The following SMC5 variants were observed in gnomAD, a reference collection of about 807,000 sequenced individuals.
SMC5 encodes the protein structural maintenance of chromosomes 5.
In SMC5, 88 loss-of-function variants were observed where a neutral mutation model predicts 148.3. That is an observed-to-expected ratio of 0.59 (90% CI 0.50 to 0.71). The LOEUF (loss-of-function observed/expected upper bound fraction) is 0.71, where lower values mean the gene tolerates loss of function less well. Ranked by LOEUF, SMC5 falls within the 30% of genes least tolerant of loss-of-function variation. The probability of loss-of-function intolerance (pLI) is 0.00; values close to 1 mark genes in which losing one functional copy is unlikely to be tolerated. For missense variants in SMC5, 1,142 were observed against 1,298.9 expected (o/e 0.88, Z 1.86); for synonymous variants, 421 against 432.8 (o/e 0.97, Z 0.34).
At chr9:70,328,902 G>A (rs1309706755) in intron 17 of SMC5, among the ~76,000 whole-genome samples, 3 of 152,162 alleles carry the variant, frequency 2.0e-5, no homozygotes, top group Admixed American at 1.3e-4. Context: ...CTCAACTCTT[G>A]CCTTCTGCAC....
Position 70,278,487 on chromosome 9 carries a change from C to T in SMC5, c.544-4C>T. On this transcript the variant is annotated splice_region_variant and splice_polypyrimidine_tract_variant and intron_variant, in intron 4 of 24. Coordinates refer to ENST00000361138, the MANE Select transcript of SMC5 (RefSeq NM_015110.4). ...GTTGCTGATATTTAATTTTTGTGCT[C>T]TAGGACAAAGTTGGAGAATTTGCTA... 6.2e-7 allele frequency: 1 copy of T among 1,601,626 alleles called. No individual in the cohort carries two copies. Among genetic ancestry groups the T allele is most frequent in the Non-Finnish European group, 8.5e-7 (1 of 1,176,780 alleles).
chr9:70,271,625 T>G (rs1331968234), intron 3 of SMC5, among the ~76,000 whole-genome samples: 2 of 152,134 alleles, frequency 1.3e-5, no homozygotes, highest in Non-Finnish European at 1.5e-5. Flanking sequence ...TGTTAGGTGG[T>G]GATAAGTGCT....
chr9:70,276,326 A>G (rs554620222), intron 3 of SMC5, among the ~76,000 whole-genome samples: 1 of 152,358 alleles, frequency 6.6e-6, no homozygotes, highest in Non-Finnish European at 1.5e-5. Context: ...AATGCCTTCA[A>G]GATGAAAGCC....
chr9:70,268,128 G>A (rs775458332), intron 3 of SMC5, among the ~76,000 whole-genome samples, 153 bp downstream of exon 3: 10 of 151,884 alleles, frequency 6.6e-5, no homozygotes, highest in Non-Finnish European at 1.3e-4. Flanking sequence ...ATAAGTAAGG[G>A]GTTTAAAAAA....
At chr9:70,323,297 G>C (rs2035994207) in intron 15 of SMC5, among the ~76,000 whole-genome samples, 186 bp from the exon 16 acceptor site, 1 of 152,168 alleles carries the variant, frequency 6.6e-6, no homozygotes, top group Non-Finnish European at 1.5e-5. Context: ...TAAGGGAAGT[G>C]ACTGTTTTAT....
chr9:70,279,905 C>A (rs1240133839), intron 5 of SMC5, among the ~76,000 whole-genome samples: 2 of 151,144 alleles, frequency 1.3e-5, no homozygotes, highest in Non-Finnish European at 1.5e-5. Flanking sequence ...CACATTGTGT[C>A]ACAGGGGTTT....
At chr9:70,332,989 T>G (rs190604033) in intron 17 of SMC5, among the ~76,000 whole-genome samples, 3 of 152,316 alleles carry the variant, frequency 2.0e-5, no homozygotes, top group Non-Finnish European at 4.4e-5. Context: ...GGTGGAAAAC[T>G]GTAAACTGTC....
At chr9:70,291,594 G>A (rs914770893) in intron 8 of SMC5, among the ~76,000 whole-genome samples, 1 of 152,150 alleles carries the variant, frequency 6.6e-6, no homozygotes, top group African/African-American at 2.4e-5. Context: ...TTTCTTTTAA[G>A]ATTTTTGGTT....
intron 11 of SMC5, among the ~76,000 whole-genome samples, chr9:70,309,517 A>G (rs1342748403): frequency 1.3e-5 from 2 of 151,712 alleles, no homozygotes; most frequent in Non-Finnish European, 2.9e-5. Flanking sequence ...GTCATATTCT[A>G]AATCATTTGT....
chr9:70,292,451 A>G (rs536778206), intron 8 of SMC5, among the ~76,000 whole-genome samples: 1 of 152,082 alleles, frequency 6.6e-6, no homozygotes, highest in African/African-American at 2.4e-5. Flanking sequence ...GTCAGCTACA[A>G]ATGGGGACAG....
intron 3 of SMC5, among the ~76,000 whole-genome samples, chr9:70,273,240 C>T (rs2034499533): frequency 1.4e-5 from 2 of 147,440 alleles, no homozygotes; most frequent in African/African-American, 2.5e-5. Context: ...CTACTGATTT[C>T]ATTTATTTAT....
chr9:70,269,299 C>G (rs893112431), intron 3 of SMC5, among the ~76,000 whole-genome samples: 2 of 152,044 alleles, frequency 1.3e-5, no homozygotes, highest in African/African-American at 4.8e-5. Context: ...ATTAACATGT[C>G]AGACCAGGTG....
chr9:70,287,079 A>G lies in SMC5; in HGVS notation c.1053+808A>G, dbSNP rs181996095. On this transcript the variant is annotated intron_variant, in intron 8 of 24. Transcript: ENST00000361138. ...CTGTTTTGATATAATCTTGGTTTAT[A>G]GCTCCAATTTCTAGAAATGAAGACA... 4.1e-4 allele frequency among the ~76,000 whole-genome samples: 63 copies of G among 152,268 alleles called. 1 individual carries two copies. In the East Asian group the frequency reaches 0.012, roughly 29 times the overall value.
intron 3 of SMC5, 93 bp downstream of exon 3, chr9:70,268,068 G>C (rs990699287): frequency 1.1e-6 from 1 of 874,692 alleles, no homozygotes; most frequent in Middle Eastern, 3.1e-4. Flanking sequence ...TATTAATATA[G>C]TATTATGGCA....
intron 3 of SMC5, among the ~76,000 whole-genome samples, chr9:70,268,827 G>C (rs567619039): frequency 3.7e-4 from 56 of 152,172 alleles, no homozygotes; most frequent in African/African-American, 1.2e-3. Context: ...ATTCATCATA[G>C]TATTCTTTTC....
At chr9:70,266,664 A>G (rs943122520) in intron 2 of SMC5, among the ~76,000 whole-genome samples, 20 of 152,186 alleles carry the variant, frequency 1.3e-4, no homozygotes, top group African/African-American at 4.6e-4. Flanking sequence ...CTTTGGGTAC[A>G]CAGATGTATT....
chr9:70,272,403 A>G (rs746273410), intron 3 of SMC5, among the ~76,000 whole-genome samples: 41 of 152,138 alleles, frequency 2.7e-4, no homozygotes, highest in Non-Finnish European at 4.9e-4. Context: ...AACATGGTAA[A>G]GTTTGAGATG....
chr9:70,352,324 C>T lies in SMC5; in HGVS notation c.3299C>T (p.Pro1100Leu), dbSNP rs746869603. ...RRRRRITFTQPS is the reference protein window; with the variant it reads ...RRRRRITFTQLS ...CGGCGCCGTATTACATTCACTCAAC[C>T]TTCTTAATAAAAGTAAAGAGAGGGA... The change falls in exon 25 of 25, where the codon CCT becomes CTT. Residue 1100 changes from proline to leucine, a missense_variant. Coordinates refer to ENST00000361138, the MANE Select transcript of SMC5 (RefSeq NM_015110.4). 1.3e-6 allele frequency: 2 copies of T among 1,590,354 alleles called. No homozygotes were observed. Among genetic ancestry groups the T allele is most frequent in the East Asian group, 2.2e-5 (1 of 44,776 alleles).
intron 6 of SMC5, 33 bp downstream of exon 6, chr9:70,280,932 TTTC>T (rs769929492): frequency 1.2e-6 from 2 of 1,609,788 alleles, no homozygotes; most frequent in African/African-American, 2.7e-5. Flanking sequence ...AAAGTACGTG[TTTC>T]TTTAAGTAGC....
Sources: allele counts gnomAD v4.1 joint callset (sites outside exome capture counted in the v4.1 genomes callset), GRCh38; gene constraint gnomAD v4.1.1; transcripts MANE v1.5; gene names NCBI Gene and HGNC (gene_info 2026-07-23, HGNC 2026-07-21).